GRIK2: variants seen among roughly 807,000 people sequenced by gnomAD.
GRIK2 encodes glutamate ionotropic receptor kainate type subunit 2.
Under a neutral mutation model 100.3 loss-of-function variants are expected in GRIK2, and 32 were observed. That is an observed-to-expected ratio of 0.32 (90% CI 0.24 to 0.43). The LOEUF is 0.43. Ranked by LOEUF, GRIK2 falls within the 20% of genes least tolerant of loss-of-function variation. The pLI is 1.00. For missense variants in GRIK2, 843 were observed against 1,114.9 expected, an observed-to-expected ratio of 0.76 and a Z score of 3.47; for synonymous variants, 417 against 389.4, an observed-to-expected ratio of 1.07 and a Z score of -0.83.
chr6:101,809,995 G>T (rs1158849570), intron 9 of GRIK2, among the ~76,000 whole-genome samples: 1 of 151,528 alleles, frequency 6.6e-6, no homozygotes, highest in African/African-American at 2.4e-5. Context: ...TTATTGTTTT[G>T]GTTCCCAAAA....
intron 5 of GRIK2, among the ~76,000 whole-genome samples, chr6:101,680,527 T>C (rs1041689447): frequency 6.6e-6 from 1 of 152,216 alleles, no homozygotes; most frequent in Non-Finnish European, 1.5e-5. Flanking sequence ...ATAGTAGGAC[T>C]GACTTCTAGG....
rs17062802 is a variant in GRIK2, at chr6:102,067,692, A to G, written c.2563-655A>G. Among the ~76,000 whole-genome samples the G allele has an allele frequency of 6.4e-3, 971 of 151,990 alleles. 24 individuals are homozygous for G. In the East Asian group the frequency reaches 0.066, roughly 10 times the overall value. On this transcript the variant is annotated intron_variant, in intron 16 of 16. Transcript: ENST00000369134. Reference sequence around the variant, plus strand: ...TTATCAGCTCTCAGTTATCAAGCTAATGATGACAAAAAAGTTAATATTTGT... The same window carrying G: ...TTATCAGCTCTCAGTTATCAAGCTAGTGATGACAAAAAAGTTAATATTTGT...
chr6:101,566,097 A>G (rs1304017010), intron 2 of GRIK2, among the ~76,000 whole-genome samples: 4 of 151,568 alleles, frequency 2.6e-5, no homozygotes, highest in Non-Finnish European at 4.4e-5. Flanking sequence ...AGGAGGAGGA[A>G]GAGGAGGGGT....
At chr6:101,588,615 C>G (rs778104772) in intron 2 of GRIK2, among the ~76,000 whole-genome samples, 2 of 151,758 alleles carry the variant, frequency 1.3e-5, no homozygotes, top group Non-Finnish European at 2.9e-5. Context: ...TGTGAATAGC[C>G]ACTGCACTCC....
At chr6:101,413,250 A>C (rs1250826035) in intron 2 of GRIK2, among the ~76,000 whole-genome samples, 1 of 151,662 alleles carries the variant, frequency 6.6e-6, no homozygotes, top group Non-Finnish European at 1.5e-5. Flanking sequence ...TCTCTCTCTC[A>C]CCCCTCCCTC....
chr6:101,542,127 C>T (rs909724214), intron 2 of GRIK2, among the ~76,000 whole-genome samples: 13 of 151,732 alleles, frequency 8.6e-5, no homozygotes, highest in Non-Finnish European at 1.5e-4. Context: ...TCTAGGGAAA[C>T]TGTAATAATC....
chr6:101,940,467 TTTA>T (rs1022675522), intron 14 of GRIK2, among the ~76,000 whole-genome samples: 1 of 152,090 alleles, frequency 6.6e-6, no homozygotes, highest in African/African-American at 2.4e-5. Context: ...CCCATCTTTA[TTTA>T]TTATTATTAT....
chr6:101,408,196 A>G (rs75972316), intron 2 of GRIK2, among the ~76,000 whole-genome samples: 2,166 of 152,258 alleles, frequency 0.014, 51 homozygotes, highest in African/African-American at 0.05. Context: ...TGTGTTGCTT[A>G]CATTTTATGA....
chr6:101,495,022 G>T (rs1002737886), intron 2 of GRIK2, among the ~76,000 whole-genome samples: 10 of 121,072 alleles, frequency 8.3e-5, no homozygotes, highest in South Asian at 2.7e-4. Context: ...ATAATCTCTT[G>T]ATTAGAGATT....
intron 10 of GRIK2, among the ~76,000 whole-genome samples, chr6:101,823,426 A>G (rs1319414184): frequency 6.6e-6 from 1 of 151,056 alleles, no homozygotes; most frequent in Non-Finnish European, 1.5e-5. Context: ...CTACAGGTCT[A>G]TGCCTAAAGC....
intron 2 of GRIK2, among the ~76,000 whole-genome samples, chr6:101,619,933 T>C (rs987648537): frequency 3.3e-5 from 5 of 152,152 alleles, no homozygotes; most frequent in African/African-American, 1.2e-4. Flanking sequence ...GTAATTCCTG[T>C]AAAATAATGC....
At chr6:101,778,874 A>G (rs947841281) in intron 7 of GRIK2, among the ~76,000 whole-genome samples, 1 of 152,298 alleles carries the variant, frequency 6.6e-6, no homozygotes, top group Middle Eastern at 3.4e-3. Flanking sequence ...CAGAAATAAC[A>G]TATGCATTAA....
intron 14 of GRIK2, among the ~76,000 whole-genome samples, chr6:101,977,510 A>G (rs969053571): frequency 1.3e-5 from 2 of 151,932 alleles, no homozygotes; most frequent in African/African-American, 4.8e-5. Context: ...AGCCAGACCA[A>G]TGTGGAGTCC....
intron 7 of GRIK2, among the ~76,000 whole-genome samples, chr6:101,716,772 CAAAT>C (rs1189670068): frequency 6.6e-6 from 1 of 151,698 alleles, no homozygotes; most frequent in African/African-American, 2.4e-5. Context: ...CAAAACAAAA[CAAAT>C]AACAACCACA....
intron 12 of GRIK2, among the ~76,000 whole-genome samples, chr6:101,905,589 G>C (rs2072944179): frequency 6.6e-6 from 1 of 151,414 alleles, no homozygotes; most frequent in South Asian, 2.1e-4. Context: ...GCTAGATTGA[G>C]ATTATATAAA....
At chr6:101,588,127 T>C (rs909594021) in intron 2 of GRIK2, among the ~76,000 whole-genome samples, 2 of 152,210 alleles carry the variant, frequency 1.3e-5, no homozygotes, top group African/African-American at 4.8e-5. Context: ...ATTTTGTTAG[T>C]GTAAAATATG....
At chr6:101,628,110 A>G (rs1330903148) in intron 4 of GRIK2, among the ~76,000 whole-genome samples, 1 of 152,108 alleles carries the variant, frequency 6.6e-6, no homozygotes, top group Non-Finnish European at 1.5e-5. Context: ...TTTCATTTGA[A>G]TTTAAATTCT....
intron 2 of GRIK2, among the ~76,000 whole-genome samples, chr6:101,424,898 T>A (rs1776622141): frequency 6.6e-6 from 1 of 152,092 alleles, no homozygotes; most frequent in Admixed American, 6.5e-5. Flanking sequence ...ACACGAACTC[T>A]TCATTTTTTA....
chr6:101,617,335 A>G (rs1779936543), intron 2 of GRIK2, among the ~76,000 whole-genome samples: 1 of 151,832 alleles, frequency 6.6e-6, no homozygotes, highest in African/African-American at 2.4e-5. Flanking sequence ...AACTTTTTGA[A>G]CAATGAAATC....
Sources: allele counts gnomAD v4.1 joint callset (sites outside exome capture counted in the v4.1 genomes callset), GRCh38; gene constraint gnomAD v4.1.1; transcripts MANE v1.5; gene names NCBI Gene and HGNC (gene_info 2026-07-23, HGNC 2026-07-21).